The following MSRB3 variants were observed in gnomAD, a reference collection of about 807,000 sequenced individuals.
MSRB3 encodes the protein methionine-R-sulfoxide reductase B3.
In MSRB3, 13 loss-of-function variants were observed where a neutral mutation model predicts 21.0. That is an observed-to-expected ratio of 0.62 (90% CI 0.40 to 0.98). The LOEUF (loss-of-function observed/expected upper bound fraction) is 0.98. Among genes scored for constraint, MSRB3 ranks in the 50% least tolerant of loss-of-function variants. The pLI is 0.00. For missense variants in MSRB3, 199 were observed against 230.3 expected, an observed-to-expected ratio of 0.86 and a Z score of 0.88; for synonymous variants, 87 against 88.6, an observed-to-expected ratio of 0.98 and a Z score of 0.10.
At chr12:65,443,726 T>G (rs934930864) in intron 5 of MSRB3, among the ~76,000 whole-genome samples, 4 of 152,106 alleles carry the variant, frequency 2.6e-5, no homozygotes, top group African/African-American at 9.7e-5. Flanking sequence ...ATTAGCATGT[T>G]AACTGTTTTT....
chr12:65,358,517 C>T (rs1426930957), intron 4 of MSRB3, among the ~76,000 whole-genome samples: 1 of 151,936 alleles, frequency 6.6e-6, no homozygotes, highest in Non-Finnish European at 1.5e-5. Context: ...TCCTTTGTCC[C>T]TTTGATGTAT....
intron 4 of MSRB3, among the ~76,000 whole-genome samples, chr12:65,349,919 TC>T (rs1471136931): frequency 6.6e-6 from 1 of 152,028 alleles, no homozygotes; most frequent in Admixed American, 6.6e-5. Context: ...TTTAATTAGA[TC>T]CCATTTGTCA....
rs1367312421 is a variant in MSRB3, at chr12:65,278,699, C to T, written c.-218C>T. The T allele has an allele frequency of 1.1e-5, 15 of 1,370,446 alleles. No individual in the cohort carries two copies. Among genetic ancestry groups the T allele is most frequent in the Middle Eastern group, 2.3e-4 (1 of 4,296 alleles). The allele number at this position is 1,370,446 out of a possible 1,614,324, so 84.9% of individuals were successfully genotyped here. ...TTTCCCGTCATGCCTCCCGCCGCCCCGTCCGTCGCCCGGAGCCGGGGAGGG... is the reference window on the plus strand; with the variant it reads ...TTTCCCGTCATGCCTCCCGCCGCCCTGTCCGTCGCCCGGAGCCGGGGAGGG... On this transcript the variant is annotated 5_prime_UTR_variant, in exon 1 of 7. Transcript: ENST00000308259.
chr12:65,312,998 G>C (rs1052009592), intron 2 of MSRB3, among the ~76,000 whole-genome samples: 2 of 152,044 alleles, frequency 1.3e-5, no homozygotes, highest in Non-Finnish European at 2.9e-5. Flanking sequence ...CAATACAGGG[G>C]ATGTCATAGG....
At chr12:65,401,933 T>G (rs1450366241) in intron 5 of MSRB3, among the ~76,000 whole-genome samples, 1 of 152,266 alleles carries the variant, frequency 6.6e-6, no homozygotes, top group East Asian at 1.9e-4. Flanking sequence ...ATGTTGAATA[T>G]TGACCCCCAC....
chr12:65,453,000 A>G (rs187514175), intron 5 of MSRB3, among the ~76,000 whole-genome samples: 432 of 152,316 alleles, frequency 2.8e-3, no homozygotes, highest in African/African-American at 9.6e-3. Flanking sequence ...CAATCCTATG[A>G]TCCATTTACC....
At position 65,373,335 on chromosome 12, in the gene MSRB3, G is replaced by GAATCTTATTTATAAGTT. The variant is rs1448913825; in HGVS notation, c.292+4312_292+4328dup. ...AGTAGAATAGCTTTCTGACCAAGAA[G>GAATCTTATTTATAAGTT]AATCTTATTTATAAGTTAACCTTAA... On this transcript the variant is annotated intron_variant, in intron 5 of 6. Transcript: ENST00000308259. 5.9e-5 allele frequency among the ~76,000 whole-genome samples: 9 copies of GAATCTTATTTATAAGTT among 152,256 alleles called. No individual in the cohort carries two copies. The East Asian group carries it at 1.5e-3, about 26-fold the overall frequency.
intron 2 of MSRB3, among the ~76,000 whole-genome samples, chr12:65,317,114 G>A (rs1202002650): frequency 1.3e-5 from 2 of 152,166 alleles, no homozygotes; most frequent in South Asian, 2.1e-4. Context: ...GCAACCATGA[G>A]TAGTAACTTT....
At chr12:65,307,820 T>C (rs949112107) in intron 1 of MSRB3, among the ~76,000 whole-genome samples, 26 of 152,194 alleles carry the variant, frequency 1.7e-4, no homozygotes, top group African/African-American at 6.0e-4. Context: ...AATCATATAA[T>C]TAAATGAAAA....
chr12:65,439,492 C>T (rs1403616480), intron 5 of MSRB3, among the ~76,000 whole-genome samples: 4 of 151,522 alleles, frequency 2.6e-5, no homozygotes, highest in Admixed American at 6.6e-5. Context: ...ATTTTGTATT[C>T]TCATGGAACA....
At chr12:65,442,898 A>G (rs1044836024) in intron 5 of MSRB3, among the ~76,000 whole-genome samples, 1 of 152,116 alleles carries the variant, frequency 6.6e-6, no homozygotes, top group Non-Finnish European at 1.5e-5. Context: ...ACTGTGATTT[A>G]AAGTAGCAAG....
chr12:65,347,099 T>C (rs965238568), intron 4 of MSRB3, among the ~76,000 whole-genome samples: 2 of 152,186 alleles, frequency 1.3e-5, no homozygotes, highest in African/African-American at 4.8e-5. Flanking sequence ...AACTTTAAAG[T>C]AGTTTTTTCC....
chr12:65,309,082 A>G, intron 2 of MSRB3: 1 of 215,734 alleles, frequency 4.6e-6, no homozygotes, highest in South Asian at 8.0e-5. Flanking sequence ...GAAAATGAAC[A>G]ATGTTAGCAT....
chr12:65,396,694 AAAAAAAAAAAAAAGAAAGAAAGAAAG>A (rs888385390), intron 5 of MSRB3, among the ~76,000 whole-genome samples: 4 of 29,222 alleles, frequency 1.4e-4, no homozygotes, highest in African/African-American at 4.0e-4. Flanking sequence ...TCCATCTCAA[AAAAAAAAAAAAAAGAAAGAAAGAAAG>A]AAAGAAAGAA....
intron 1 of MSRB3, among the ~76,000 whole-genome samples, chr12:65,300,173 A>G (rs1006120450): frequency 6.6e-6 from 1 of 152,198 alleles, no homozygotes; most frequent in African/African-American, 2.4e-5. Flanking sequence ...CAATTGCTTC[A>G]GGAAATAAGA....
chr12:65,344,544 G>T (rs1876359080), intron 4 of MSRB3, among the ~76,000 whole-genome samples: 1 of 151,928 alleles, frequency 6.6e-6, no homozygotes. Flanking sequence ...ACATAAAGTG[G>T]TATGTGTATT....
chr12:65,401,667 T>C (rs1880132317), intron 5 of MSRB3, among the ~76,000 whole-genome samples: 1 of 152,212 alleles, frequency 6.6e-6, no homozygotes, highest in Admixed American at 6.5e-5. Context: ...GCTAGCTGAT[T>C]ATTTTGTCCA....
chr12:65,310,722 A>G (rs991340756), intron 2 of MSRB3, among the ~76,000 whole-genome samples: 2 of 152,242 alleles, frequency 1.3e-5, no homozygotes, highest in Non-Finnish European at 2.9e-5. Flanking sequence ...TTTTGATAAA[A>G]TGATTCAAAG....
chr12:65,432,568 T>C (rs951246226), intron 5 of MSRB3, among the ~76,000 whole-genome samples: 2 of 152,040 alleles, frequency 1.3e-5, no homozygotes, highest in African/African-American at 4.8e-5. Flanking sequence ...TTGACTCACC[T>C]TTTTAGCAGA....
Sources: allele counts gnomAD v4.1 joint callset (sites outside exome capture counted in the v4.1 genomes callset), GRCh38; gene constraint gnomAD v4.1.1; transcripts MANE v1.5; gene names NCBI Gene and HGNC (gene_info 2026-07-23, HGNC 2026-07-21).